Variants in EPB41L1 observed in about 807,000 individuals in gnomAD.
EPB41L1 encodes the protein band 4.1-like protein 1.
EPB41L1 carries 29 observed loss-of-function variants against 97.8 expected under a neutral mutation model. The ratio of observed to expected loss-of-function variants is 0.30; its 90% CI spans 0.22 to 0.40. EPB41L1 has a LOEUF of 0.40. Among genes scored for constraint, EPB41L1 ranks in the 10% least tolerant of loss-of-function variants. EPB41L1 has a pLI of 1.00. For synonymous variants in EPB41L1, 383 were observed against 459.2 expected, an observed-to-expected ratio of 0.83 and a Z score of 2.12; for missense variants, 812 against 1,162.3, an observed-to-expected ratio of 0.70 and a Z score of 4.38.
At chr20:36,170,348 CT>C (rs2060936150) in intron 1 of EPB41L1, among the ~76,000 whole-genome samples, 1 of 152,156 alleles carries the variant, frequency 6.6e-6, no homozygotes, top group South Asian at 2.1e-4. Flanking sequence ...AATAATCTGT[CT>C]TCCCGCCACC....
intron 1 of EPB41L1, among the ~76,000 whole-genome samples, chr20:36,102,522 C>G (rs1352599301): frequency 6.6e-6 from 1 of 152,136 alleles, no homozygotes; most frequent in Non-Finnish European, 1.5e-5. Context: ...CTGTCTGGGC[C>G]TCAGTTTTCC....
chr20:36,209,363 C>A lies in EPB41L1; in HGVS notation c.1669-125C>A. Reference sequence around the variant, plus strand: ...TCCTGGGGTGTTTTTCATTTCCTGGCCTGCTCTTCCATTCAGGATGTCGAC... The same window carrying A: ...TCCTGGGGTGTTTTTCATTTCCTGGACTGCTCTTCCATTCAGGATGTCGAC... On this transcript the variant is annotated intron_variant, in intron 14 of 21. Coordinates refer to ENST00000338074, the MANE Select transcript of EPB41L1 (RefSeq NM_012156.2). This position sits in a 1 kb window ranked among gnomAD's most constrained non-coding sequence, Gnocchi z 4.2. 9.8e-7 allele frequency: 1 copy of A among 1,016,974 alleles called. No homozygotes were observed. Among genetic ancestry groups the A allele is most frequent in the Non-Finnish European group, 1.4e-6 (1 of 730,042 alleles). The allele number at this position is 1,016,974 out of a possible 1,614,324, so 63.0% of individuals were successfully genotyped here.
chr20:36,211,442 A>C (rs144525949), intron 15 of EPB41L1, among the ~76,000 whole-genome samples: 1 of 152,088 alleles, frequency 6.6e-6, no homozygotes, highest in Non-Finnish European at 1.5e-5. Context: ...AGCTTGCCAT[A>C]CCCAAATGGA....
At chr20:36,178,510 C>G in intron 4 of EPB41L1, 120 bp from the exon 5 acceptor site, 1 of 1,021,550 alleles carries the variant, frequency 9.8e-7, no homozygotes, top group Non-Finnish European at 1.6e-6. Flanking sequence ...GAGGCTTAGC[C>G]AAGGAAGGGC....
intron 14 of EPB41L1, among the ~76,000 whole-genome samples, chr20:36,198,940 T>C (rs1238853626): frequency 6.6e-6 from 1 of 152,138 alleles, no homozygotes; most frequent in Non-Finnish European, 1.5e-5. Flanking sequence ...ATGGGGATGT[T>C]GTAAGGATTA....
At position 36,141,697 on chromosome 20, in the gene EPB41L1, A is replaced by T. The variant is rs116486291; in HGVS notation, c.-10+29217A>T. On this transcript the variant is annotated intron_variant, in intron 2 of 19. Transcript: ENST00000202028. The stretch of plus-strand genomic sequence containing the variant: ...TATACCAGAAAGTAAGCAACAAAAC[A>T]AGACCCAAATGTACACAAAAGAAAT... 6.7e-3 allele frequency among the ~76,000 whole-genome samples: 1,014 copies of T among 152,386 alleles called. 11 individuals are homozygous for T. The highest frequency in any genetic ancestry group is 0.023 in the African/African-American group (960 of 41,598).
At chr20:36,149,569 A>G (rs1311976078) in intron 2 of EPB41L1, among the ~76,000 whole-genome samples, 1 of 152,226 alleles carries the variant, frequency 6.6e-6, no homozygotes, top group Non-Finnish European at 1.5e-5. Context: ...CACCCTGCCT[A>G]CTTCCTCCAC....
chr20:36,101,768 G>T (rs371412140), intron 1 of EPB41L1, among the ~76,000 whole-genome samples: 1 of 152,240 alleles, frequency 6.6e-6, no homozygotes, highest in Admixed American at 6.5e-5. Context: ...CAGCACTTTG[G>T]GAGGCTGAGG....
intron 14 of EPB41L1, among the ~76,000 whole-genome samples, chr20:36,198,792 C>G (rs1234984610): frequency 6.6e-6 from 1 of 152,200 alleles, no homozygotes; most frequent in Non-Finnish European, 1.5e-5. Context: ...GCTTACTGGT[C>G]TCAAATACGG....
intron 21 of EPB41L1, among the ~76,000 whole-genome samples, chr20:36,227,347 GA>G: frequency 6.6e-6 from 1 of 152,124 alleles, no homozygotes; most frequent in Non-Finnish European, 1.5e-5. Flanking sequence ...ACGAAGGAAG[GA>G]AGGAATAGAT....
chr20:36,135,440 G>A (rs1193240865), intron 2 of EPB41L1, among the ~76,000 whole-genome samples: 1 of 152,158 alleles, frequency 6.6e-6, no homozygotes, highest in Non-Finnish European at 1.5e-5. Flanking sequence ...CAGCGGGTTT[G>A]GAATCCCCCC....
intron 2 of EPB41L1, among the ~76,000 whole-genome samples, chr20:36,148,947 C>T (rs1312639401): frequency 2.0e-5 from 3 of 152,034 alleles, no homozygotes; most frequent in Non-Finnish European, 4.4e-5. Context: ...GCATGCGGGG[C>T]GGAGATGGGG....
At chr20:36,173,686 G>A (rs538440238) in intron 1 of EPB41L1, 78 bp from the exon 2 acceptor site, 51 of 1,311,554 alleles carry the variant, frequency 3.9e-5, no homozygotes, top group Admixed American at 1.7e-4. Context: ...GTCTCTCTCC[G>A]CGTGTGGTTC....
At chr20:36,094,965 C>T (rs371672242) in intron 1 of EPB41L1, among the ~76,000 whole-genome samples, 1 of 151,746 alleles carries the variant, frequency 6.6e-6, no homozygotes, top group Non-Finnish European at 1.5e-5. Context: ...CCACGCCCAG[C>T]TAATTTTTTT....
chr20:36,172,182 G>A (rs941429865), intron 1 of EPB41L1, among the ~76,000 whole-genome samples: 7 of 152,148 alleles, frequency 4.6e-5, no homozygotes, highest in African/African-American at 7.2e-5. Flanking sequence ...GGGTTCAAGC[G>A]ATTCTCCTGC....
At chr20:36,146,067 C>T (rs2145380644) in intron 2 of EPB41L1, among the ~76,000 whole-genome samples, 1 of 152,338 alleles carries the variant, frequency 6.6e-6, no homozygotes, top group East Asian at 1.9e-4. Context: ...TTGACACCTG[C>T]TGCTCTCTAA....
intron 2 of EPB41L1, among the ~76,000 whole-genome samples, chr20:36,140,614 A>G (rs937710058): frequency 2.0e-5 from 3 of 152,172 alleles, no homozygotes; most frequent in Admixed American, 1.3e-4. Context: ...GAATCCGTGT[A>G]TTTCAGAAAT....
intron 7 of EPB41L1, among the ~76,000 whole-genome samples, chr20:36,187,425 C>T (rs1434830919): frequency 6.6e-6 from 1 of 152,220 alleles, no homozygotes; most frequent in Non-Finnish European, 1.5e-5. Context: ...TCCTGACTCC[C>T]AGCTCAGCCT....
chr20:36,154,631 C>T (rs1423365396), upstream of EPB41L1: 4 of 823,572 alleles, frequency 4.9e-6, no homozygotes, highest in Non-Finnish European at 5.4e-6. The surrounding 1 kb of genome is among the most constrained non-coding windows in gnomAD (Gnocchi z 5.5). Flanking sequence ...GCTCCGAGGC[C>T]GGGGCGGGGG....
Sources: allele counts gnomAD v4.1 joint callset (sites outside exome capture counted in the v4.1 genomes callset), GRCh38; gene constraint gnomAD v4.1.1; non-coding constraint Gnocchi (gnomAD v3.1); transcripts MANE v1.5; gene names NCBI Gene and HGNC (gene_info 2026-07-23, HGNC 2026-07-21).